ZC3H13: variants seen among roughly 807,000 people sequenced by gnomAD.
ZC3H13 encodes the protein zinc finger CCCH domain-containing protein 13.
Under a neutral mutation model 204.1 loss-of-function variants are expected in ZC3H13, and 64 were observed. The observed-to-expected ratio is 0.31, with a 90% CI of 0.26 to 0.39. The LOEUF (loss-of-function observed/expected upper bound fraction) is 0.39, where lower values mean the gene tolerates loss of function less well. Among genes scored for constraint, ZC3H13 ranks in the 10% least tolerant of loss-of-function variants. ZC3H13 has a pLI of 1.00. For missense variants in ZC3H13, 1,833 were observed against 2,082.7 expected (o/e 0.88, Z 2.33); for synonymous variants, 667 against 693.7 (o/e 0.96, Z 0.60).
intron 5 of ZC3H13, among the ~76,000 whole-genome samples, chr13:46,017,768 G>A (rs752845124): frequency 6.6e-6 from 1 of 152,090 alleles, no homozygotes; most frequent in Admixed American, 6.6e-5. Context: ...TAACAATGCA[G>A]AAGGTAAGTC....
At chr13:46,003,451 ATAC>A in intron 7 of ZC3H13, 115 bp from the exon 8 acceptor site, 1 of 915,212 alleles carries the variant, frequency 1.1e-6, no homozygotes, top group Non-Finnish European at 1.6e-6. Context: ...ATTATTTTGT[ATAC>A]TACTAACCAA....
At chr13:45,999,385 T>C (rs1191170924) in intron 8 of ZC3H13, among the ~76,000 whole-genome samples, 1 of 152,226 alleles carries the variant, frequency 6.6e-6, no homozygotes, top group African/African-American at 2.4e-5. Flanking sequence ...TGTGACACTC[T>C]GAATTCTTTG....
At chr13:46,027,814 T>C (rs937932171) in intron 4 of ZC3H13, among the ~76,000 whole-genome samples, 19 of 151,862 alleles carry the variant, frequency 1.3e-4, no homozygotes, top group African/African-American at 4.4e-4. Context: ...GAAGTATAAT[T>C]GATATGCTAA....
intron 13 of ZC3H13, 58 bp downstream of exon 13, chr13:45,970,304 G>T (rs1182655269): frequency 1.3e-6 from 2 of 1,552,982 alleles, no homozygotes; most frequent in African/African-American, 2.7e-5. Context: ...ATGAAAGGAT[G>T]GTTTCATGGT....
At chr13:45,978,036 G>A (rs1953212565) in intron 11 of ZC3H13, among the ~76,000 whole-genome samples, 1 of 152,036 alleles carries the variant, frequency 6.6e-6, no homozygotes, top group African/African-American at 2.4e-5. Flanking sequence ...CAGTTCTGGT[G>A]TCTGTACATG....
At chr13:45,963,075 T>C (rs192116427) in intron 17 of ZC3H13, 1 of 983,952 alleles carries the variant, frequency 1.0e-6, no homozygotes, top group Non-Finnish European at 1.2e-6. Context: ...GGAACTGTTC[T>C]AAGTGTTTTG....
At position 45,957,496 on chromosome 13, in the gene ZC3H13, G is replaced by A. The variant is rs193073278; in HGVS notation, c.4840-199C>T. 3.9e-5 allele frequency among the ~76,000 whole-genome samples: 6 copies of A among 152,156 alleles called. No homozygotes were observed. The East Asian group carries it at 7.7e-4, about 20-fold the overall frequency. ...AATCTTTGAAAAGAAACTTTTAGAG[G>A]GCACCTAGTTTAACCTCTTGCTTAA... On this transcript the variant is annotated intron_variant, in intron 18 of 18. Coordinates refer to ENST00000679008, the MANE Select transcript of ZC3H13 (RefSeq NM_001330564.2).
chr13:45,982,775 T>G (rs1953763317), intron 10 of ZC3H13, among the ~76,000 whole-genome samples: 1 of 152,186 alleles, frequency 6.6e-6, no homozygotes, highest in Admixed American at 6.5e-5. Flanking sequence ...ATTTTATCAG[T>G]TGCTAGTGGC....
chr13:45,963,240 C>G (rs1566143200), intron 17 of ZC3H13: 11 of 985,562 alleles, frequency 1.1e-5, no homozygotes, highest in Middle Eastern at 5.2e-4. Context: ...AGACCAAGCT[C>G]TTAATCACTT....
intron 16 of ZC3H13, 111 bp downstream of exon 16, chr13:45,965,169 A>C (rs1951980027): frequency 7.4e-7 from 1 of 1,350,388 alleles, no homozygotes; most frequent in Non-Finnish European, 9.8e-7. Context: ...TAAAATGTAA[A>C]AGGAAAAATT....
intron 4 of ZC3H13, among the ~76,000 whole-genome samples, chr13:46,041,832 G>A (rs1366992208): frequency 6.6e-6 from 1 of 151,950 alleles, no homozygotes; most frequent in Non-Finnish European, 1.5e-5. Flanking sequence ...ATCTTTCTTG[G>A]AAGCAGATGT....
chr13:45,963,081 T>C lies in ZC3H13; in HGVS notation c.4675+761A>G, dbSNP rs182435057. 3 of 983,450 alleles carry C rather than the reference T, an allele frequency of 3.1e-6. No homozygotes were observed. The African/African-American group carries it at 5.2e-5, about 17-fold the overall frequency. 60.9% of individuals were successfully genotyped at this position (983,450 alleles called of 1,614,324 possible). ...TATATGCCAGGAACTGTTCTAAGTG[T>C]TTTGCCTGTAATAACTCATTTGCTC... On this transcript the variant is annotated intron_variant, in intron 17 of 18. Transcript: ENST00000679008.
At chr13:46,013,584 CACATTGCAACTGACAGTATTTTGACA>C (rs2041719802) in intron 5 of ZC3H13, among the ~76,000 whole-genome samples, 1 of 152,050 alleles carries the variant, frequency 6.6e-6, no homozygotes, top group South Asian at 2.1e-4. Flanking sequence ...ACAAGATAGG[CACATTGCAACTGACAGTATTTTGACA>C]ACAAAAGAAA....
chr13:45,960,677 C>T (rs1021657216), intron 17 of ZC3H13, among the ~76,000 whole-genome samples: 1 of 152,154 alleles, frequency 6.6e-6, no homozygotes, highest in Non-Finnish European at 1.5e-5. Context: ...AATAACAGAA[C>T]AGGACCAGTC....
chr13:45,978,340 C>A (rs1953243955), intron 11 of ZC3H13, among the ~76,000 whole-genome samples: 1 of 152,018 alleles, frequency 6.6e-6, no homozygotes, highest in African/African-American at 2.4e-5. Flanking sequence ...GTAAAATATT[C>A]ATTAGCCTCC....
At chr13:45,994,696 A>C (rs2040207066) in intron 8 of ZC3H13, among the ~76,000 whole-genome samples, 1 of 152,218 alleles carries the variant, frequency 6.6e-6, no homozygotes, top group Non-Finnish European at 1.5e-5. Flanking sequence ...ACCCAGAAAC[A>C]ACACACATTG....
chr13:46,045,784 T>C (rs1445107691), intron 1 of ZC3H13, among the ~76,000 whole-genome samples: 2 of 152,196 alleles, frequency 1.3e-5, no homozygotes, highest in African/African-American at 4.8e-5. Flanking sequence ...AATATGATCC[T>C]ACTCACACAG....
In ZC3H13 at chr13:45,959,625, T is replaced by C; in HGVS notation, c.4697A>G (p.His1566Arg). The stretch of plus-strand genomic sequence containing the variant: ...AGCCATATTGAGAGCCCCCAATTCA[T>C]GTTCAAAGAGATTGTCTGCATCTTT... ...KPKDADNLFE[H>R]ELGALNMAAL... Residue 1566 changes from histidine (H) to arginine (R), a missense_variant, in exon 18 of 19, where the codon CAT (histidine) becomes CGT (arginine). His to Arg is a conservative substitution (Grantham distance 29). Around this residue, in one of 5 missense-constraint regions of ZC3H13, gnomAD observed 211 missense variants for 228.4 expected, o/e 0.92. Coordinates refer to ENST00000679008, the MANE Select transcript of ZC3H13 (RefSeq NM_001330564.2). 6.5e-7 allele frequency: 1 copy of C among 1,531,958 alleles called. No individual in the cohort carries two copies. The highest frequency in any genetic ancestry group is 1.2e-5 in the South Asian group (1 of 80,490). 94.9% of individuals were successfully genotyped at this position (1,531,958 alleles called of 1,614,324 possible).
At chr13:45,989,618 A>G (rs954924463) in intron 8 of ZC3H13, among the ~76,000 whole-genome samples, 3 of 152,204 alleles carry the variant, frequency 2.0e-5, no homozygotes, top group African/African-American at 7.2e-5. Flanking sequence ...AGAATTAAGG[A>G]AAGGATAACA....
Sources: allele counts gnomAD v4.1 joint callset (sites outside exome capture counted in the v4.1 genomes callset), GRCh38; gene constraint gnomAD v4.1.1; regional missense constraint gnomAD v4.1.1; transcripts MANE v1.5; gene names NCBI Gene and HGNC (gene_info 2026-07-23, HGNC 2026-07-21).